PFDN1: variants seen among roughly 807,000 people sequenced by gnomAD.
PFDN1 encodes the protein prefoldin 1.
PFDN1 carries 6 observed loss-of-function variants against 17.3 expected under a neutral mutation model. That is an observed-to-expected ratio of 0.35 (90% CI 0.19 to 0.69). The LOEUF (loss-of-function observed/expected upper bound fraction) is 0.69. Among genes scored for constraint, PFDN1 ranks in the 30% least tolerant of loss-of-function variants. PFDN1 has a pLI of 0.65. For synonymous variants in PFDN1, 58 were observed against 50.1 expected, an observed-to-expected ratio of 1.16 and a Z score of -0.67; for missense variants, 113 against 146.2, an observed-to-expected ratio of 0.77 and a Z score of 1.17.
intron 3 of PFDN1, among the ~76,000 whole-genome samples, chr5:140,264,609 T>TGG (rs1202763211): frequency 6.6e-6 from 1 of 151,344 alleles, no homozygotes; most frequent in East Asian, 1.9e-4. Context: ...GAGGCTGAAG[T>TGG]GGGAGGACTG....
chr5:140,289,122 C>T (rs1765543244), intron 2 of PFDN1, among the ~76,000 whole-genome samples: 1 of 151,848 alleles, frequency 6.6e-6, no homozygotes, highest in African/African-American at 2.4e-5. Flanking sequence ...CCCATCTATA[C>T]AAAAAAATTT....
intron 3 of PFDN1, among the ~76,000 whole-genome samples, chr5:140,250,221 T>C (rs1764893551): frequency 6.6e-6 from 1 of 152,170 alleles, no homozygotes; most frequent in Admixed American, 6.5e-5. Context: ...TGCATGGTCT[T>C]GGTTTCAGCT....
intron 2 of PFDN1, among the ~76,000 whole-genome samples, chr5:140,284,770 T>C (rs1765460176): frequency 6.6e-6 from 1 of 152,258 alleles, no homozygotes; most frequent in Non-Finnish European, 1.5e-5. Context: ...GAATTCGAGT[T>C]GATGCTTTGC....
rs543278237 is a variant in PFDN1, at chr5:140,300,437, A to T, written c.179T>A (p.Met60Lys). The change falls in exon 2 of 4, where the codon ATG becomes AAG. Residue 60 changes from methionine to lysine, a missense_variant. Transcript: ENST00000261813. The stretch of plus-strand genomic sequence containing the variant: ...TTACATTCTTCCTACACCTTCATAC[A>T]TGTTAGTCTCATCTACCAAAGTCAT... ...EIMTLVDETNMYEGVGRMFIL... is the reference protein window; with the variant it reads ...EIMTLVDETNKYEGVGRMFIL... 6.2e-7 allele frequency: 1 copy of T among 1,608,064 alleles called. No homozygotes were observed. The highest frequency in any genetic ancestry group is 1.3e-5 in the African/African-American group (1 of 74,902).
chr5:140,248,846 A>G (rs1451582074), intron 3 of PFDN1, among the ~76,000 whole-genome samples: 2 of 152,124 alleles, frequency 1.3e-5, no homozygotes, highest in African/African-American at 4.8e-5. Flanking sequence ...ATCTATCTAT[A>G]TTTTTGTTTT....
At chr5:140,261,412 T>C (rs1024008368) in intron 3 of PFDN1, among the ~76,000 whole-genome samples, 1 of 152,152 alleles carries the variant, frequency 6.6e-6, no homozygotes, top group Non-Finnish European at 1.5e-5. Flanking sequence ...GTAGAGCCAA[T>C]GGACAAACAA....
At chr5:140,298,986 G>C (rs1765695084) in intron 2 of PFDN1, among the ~76,000 whole-genome samples, 1 of 152,046 alleles carries the variant, frequency 6.6e-6, no homozygotes, top group Non-Finnish European at 1.5e-5. Context: ...CCTAACCTCA[G>C]GGGATCCACC....
chr5:140,263,302 T>C (rs920178533), intron 3 of PFDN1, among the ~76,000 whole-genome samples: 9 of 152,206 alleles, frequency 5.9e-5, no homozygotes, highest in East Asian at 1.9e-4. Flanking sequence ...CCCACACTTA[T>C]AGAGATTTGC....
chr5:140,281,659 T>G (rs1183168008), intron 2 of PFDN1, 126 bp from the exon 3 acceptor site: 1 of 639,028 alleles, frequency 1.6e-6, no homozygotes, highest in African/African-American at 1.9e-5. Context: ...ACATAATACG[T>G]CAAGCTCAGG....
chr5:140,249,423 G>A (rs747481351), intron 3 of PFDN1, among the ~76,000 whole-genome samples: 4 of 152,224 alleles, frequency 2.6e-5, no homozygotes, highest in Non-Finnish European at 5.9e-5. Context: ...TTGGGGATAA[G>A]TATGATCCTA....
intron 3 of PFDN1, among the ~76,000 whole-genome samples, chr5:140,278,407 AAT>A (rs1341964670): frequency 1.4e-5 from 2 of 147,470 alleles, no homozygotes; most frequent in Non-Finnish European, 1.5e-5. Flanking sequence ...CTCTACTAAA[AAT>A]ACAAAAATTA....
At chr5:140,276,624 A>G (rs1419747530) in intron 3 of PFDN1, among the ~76,000 whole-genome samples, 1 of 151,770 alleles carries the variant, frequency 6.6e-6, no homozygotes, top group Non-Finnish European at 1.5e-5. Flanking sequence ...TACTAAAAAT[A>G]CAAAAATTAG....
In PFDN1 at chr5:140,245,118, A is replaced by T. The variant is rs905773511; in HGVS notation, c.*856T>A. 6.2e-5 allele frequency: 14 copies of T among 226,940 alleles called. No individual in the cohort carries two copies. The highest frequency in any genetic ancestry group is 1.1e-4 in the Non-Finnish European group (12 of 113,630). 14.1% of individuals were successfully genotyped at this position (226,940 alleles called of 1,614,324 possible). A position where few individuals can be genotyped will look rare whatever the true frequency, so the allele number is the denominator to read the frequency against. ...GTCCTTGTTTTTAACATAATTTGCA[A>T]ATTTACATAATTATAATGGCTGTGT... On this transcript the variant is annotated 3_prime_UTR_variant, in exon 4 of 4. Coordinates refer to ENST00000261813, the MANE Select transcript of PFDN1 (RefSeq NM_002622.5).
chr5:140,262,034 T>C (rs759261335), intron 3 of PFDN1, among the ~76,000 whole-genome samples: 44 of 152,212 alleles, frequency 2.9e-4, no homozygotes, highest in Non-Finnish European at 4.4e-4. Flanking sequence ...CTAATAGCTC[T>C]GATCTAATAG....
intron 3 of PFDN1, chr5:140,273,804 T>G (rs1026549667): frequency 4.2e-6 from 2 of 471,366 alleles, no homozygotes; most frequent in African/African-American, 4.2e-5. Context: ...CTAACCAGGG[T>G]GGTGAAAGGG....
chr5:140,245,463 G>A lies in PFDN1; in HGVS notation c.*511C>T, dbSNP rs1002977385. The A allele has an allele frequency of 8.4e-5, 59 of 702,494 alleles. No homozygotes were observed. Among genetic ancestry groups the A allele is most frequent in the Middle Eastern group, 2.3e-4 (1 of 4,392 alleles). The allele number at this position is 702,494 out of a possible 1,614,324, so 43.5% of individuals were successfully genotyped here. On this transcript the variant is annotated 3_prime_UTR_variant, in exon 4 of 4. Transcript: ENST00000261813. ...TCTTCTGTCTACTGCATGCAGGCCC[G>A]GAAGCTGAGCGTTAGTCAAAGGTAC...
At chr5:140,278,657 T>TTC (rs886334756) in intron 3 of PFDN1, among the ~76,000 whole-genome samples, 4 of 151,568 alleles carry the variant, frequency 2.6e-5, no homozygotes, top group Non-Finnish European at 5.9e-5. Context: ...CAACACTGTA[T>TTC]TCTCTAAATA....
chr5:140,288,996 A>G (rs1765539738), intron 2 of PFDN1, among the ~76,000 whole-genome samples: 1 of 151,742 alleles, frequency 6.6e-6, no homozygotes. Context: ...AAAAATAATA[A>G]TAATAGTTGC....
At chr5:140,291,827 G>A (rs564811397) in intron 2 of PFDN1, among the ~76,000 whole-genome samples, 4 of 152,210 alleles carry the variant, frequency 2.6e-5, no homozygotes, top group South Asian at 4.1e-4. Flanking sequence ...AGGTAAGAAC[G>A]TGCTTCAAGG....
Sources: gnomAD v4.1 joint callset for allele counts (sites outside exome capture counted in the v4.1 genomes callset) on GRCh38, gnomAD v4.1.1 for gene constraint, MANE v1.5 for transcripts, NCBI Gene and HGNC (gene_info 2026-07-23, HGNC 2026-07-21) for gene names.